The following FGF14 variants were observed in gnomAD, a reference collection of about 807,000 sequenced individuals.
The protein encoded by FGF14 is fibroblast growth factor 14, also known as fibroblast growth factor homologous factor 4.
A neutral mutation model predicts 25.5 loss-of-function variants in FGF14; 5 were observed. The observed-to-expected ratio is 0.20, with a 90% CI of 0.10 to 0.41. The LOEUF is 0.41. FGF14 is among the 10% of genes least tolerant of loss of function. The probability of loss-of-function intolerance (pLI) is 1.00; values close to 1 mark genes in which losing one functional copy is unlikely to be tolerated. For missense variants in FGF14, 222 were observed against 320.1 expected (o/e 0.69, Z 2.34); for synonymous variants, 138 against 118.3 (o/e 1.17, Z -1.08).
At chr13:102,179,021 A>G (rs201084311) in intron 1 of FGF14, among the ~76,000 whole-genome samples, 1 of 152,106 alleles carries the variant, frequency 6.6e-6, no homozygotes, top group Admixed American at 6.6e-5. Flanking sequence ...AAGTAAAAAG[A>G]GAAATGAAGG....
Position 101,892,452 on chromosome 13 carries a change from G to T in FGF14, c.194-17156C>A, listed in dbSNP as rs2029890991. ...TCTTAACTTGATAATTCTTTTAACA[G>T]CAGAGAGGAAATCCCTGGGCCTTGT... is the stretch of plus-strand genomic sequence containing the variant. On this transcript the variant is annotated intron_variant, in intron 1 of 4. Coordinates refer to ENST00000376143, the MANE Select transcript of FGF14 (RefSeq NM_004115.4). Among the ~76,000 whole-genome samples, 3 of 152,142 alleles carry T rather than the reference G, an allele frequency of 2.0e-5. No individual in the cohort carries two copies. In the South Asian group the frequency reaches 6.2e-4, roughly 32 times the overall value.
chr13:102,371,118 T>G (rs1325255547), intron 1 of FGF14, among the ~76,000 whole-genome samples: 1 of 152,188 alleles, frequency 6.6e-6, no homozygotes, highest in Non-Finnish European at 1.5e-5. Context: ...GGTATATTCC[T>G]GAAACAAACA....
At chr13:102,085,253 G>A (rs1394522857) in intron 1 of FGF14, among the ~76,000 whole-genome samples, 1 of 149,994 alleles carries the variant, frequency 6.7e-6, no homozygotes, top group East Asian at 1.9e-4. Flanking sequence ...GGTGGGGGAG[G>A]GGGAGGAAGG....
intron 1 of FGF14, among the ~76,000 whole-genome samples, chr13:102,000,593 A>G (rs1926017): frequency 0.52 from 78,465 of 151,812 alleles, 23,714 homozygotes; most frequent in African/African-American, 0.83. Flanking sequence ...AAGGTATCTG[A>G]ATAGCAGAGA....
chr13:102,370,929 C>T (rs1230182609), intron 1 of FGF14, among the ~76,000 whole-genome samples: 3 of 146,944 alleles, frequency 2.0e-5, no homozygotes, highest in African/African-American at 5.0e-5. Context: ...TACCTTCTTC[C>T]GCATACCAAA....
intron 3 of FGF14, among the ~76,000 whole-genome samples, chr13:101,858,907 C>T (rs946674523): frequency 6.6e-6 from 1 of 151,826 alleles, no homozygotes; most frequent in African/African-American, 2.4e-5. Flanking sequence ...ATTTTTTCTC[C>T]CCTGAGATTC....
chr13:102,253,373 GA>G (rs1334077282), intron 1 of FGF14, among the ~76,000 whole-genome samples: 4 of 152,186 alleles, frequency 2.6e-5, no homozygotes, highest in Non-Finnish European at 4.4e-5. Context: ...TAACTGGCAT[GA>G]AATGGTATCT....
chr13:101,930,571 C>T (rs568579158), intron 1 of FGF14, among the ~76,000 whole-genome samples: 2 of 152,172 alleles, frequency 1.3e-5, no homozygotes, highest in Non-Finnish European at 2.9e-5. Context: ...CAGTCAGTTG[C>T]AAAGTTTTTT....
chr13:101,867,590 A>T (rs2044781033), intron 3 of FGF14, among the ~76,000 whole-genome samples: 1 of 152,226 alleles, frequency 6.6e-6, no homozygotes, highest in South Asian at 2.1e-4. Flanking sequence ...CTAGAAAGTA[A>T]TCCTTTTCGT....
intron 1 of FGF14, among the ~76,000 whole-genome samples, chr13:102,380,485 T>C (rs950421832): frequency 6.6e-6 from 1 of 152,152 alleles, no homozygotes. Context: ...CCTCAGATGA[T>C]TGACCCTGAG....
chr13:101,940,570 G>T (rs2035383412), intron 1 of FGF14, among the ~76,000 whole-genome samples: 1 of 152,000 alleles, frequency 6.6e-6, no homozygotes, highest in East Asian at 1.9e-4. Context: ...TTTCATTCAG[G>T]TTTCTACTCC....
intron 1 of FGF14, among the ~76,000 whole-genome samples, chr13:102,035,859 G>A (rs1168109437): frequency 2.0e-5 from 3 of 152,074 alleles, no homozygotes; most frequent in Non-Finnish European, 2.9e-5. Context: ...ATAAGTCCAG[G>A]AAAATGTGCT....
At chr13:102,186,275 T>C (rs1304597262) in intron 1 of FGF14, among the ~76,000 whole-genome samples, 3 of 152,168 alleles carry the variant, frequency 2.0e-5, no homozygotes, top group Admixed American at 6.6e-5. Flanking sequence ...GATTAGAACT[T>C]ATATGTACTT....
intron 3 of FGF14, among the ~76,000 whole-genome samples, chr13:101,781,002 T>G (rs555995745): frequency 2.6e-5 from 4 of 152,090 alleles, no homozygotes; most frequent in Admixed American, 2.0e-4. Flanking sequence ...GCCACACATG[T>G]CCATCTTCCT....
chr13:102,096,646 G>C (rs181165014), intron 1 of FGF14, among the ~76,000 whole-genome samples: 4 of 152,040 alleles, frequency 2.6e-5, no homozygotes, highest in African/African-American at 9.6e-5. Flanking sequence ...GAGGGTACTT[G>C]AATTTTTCAA....
intron 3 of FGF14, among the ~76,000 whole-genome samples, chr13:101,837,689 T>A (rs1359296218): frequency 6.6e-6 from 1 of 152,130 alleles, no homozygotes; most frequent in Non-Finnish European, 1.5e-5. Context: ...TCAAACTTCC[T>A]TAAAATAATC....
chr13:102,239,791 G>C (rs1278323759), intron 1 of FGF14, among the ~76,000 whole-genome samples: 3 of 151,926 alleles, frequency 2.0e-5, no homozygotes, highest in Non-Finnish European at 2.9e-5. Context: ...AATTATTTCT[G>C]ATTCCCTCCT....
chr13:101,822,083 C>G (rs1031716681), intron 3 of FGF14, among the ~76,000 whole-genome samples: 1 of 152,120 alleles, frequency 6.6e-6, no homozygotes, highest in Non-Finnish European at 1.5e-5. Flanking sequence ...TGTCTACTCT[C>G]TGATCATTGA....
At chr13:102,350,729 AATG>A (rs1268211879) in intron 1 of FGF14, among the ~76,000 whole-genome samples, 3 of 152,232 alleles carry the variant, frequency 2.0e-5, no homozygotes, top group Admixed American at 1.3e-4. Flanking sequence ...TCAGGTGTAA[AATG>A]ATGATATGGA....
Sources: gnomAD v4.1 joint callset for allele counts (sites outside exome capture counted in the v4.1 genomes callset) on GRCh38, gnomAD v4.1.1 for gene constraint, MANE v1.5 for transcripts, NCBI Gene and HGNC (gene_info 2026-07-23, HGNC 2026-07-21) for gene names.